Variants in EYA1 observed in about 807,000 individuals in gnomAD.
EYA1 encodes EYA transcriptional coactivator and phosphatase 1, also known as protein phosphatase EYA1.
A neutral mutation model predicts 82.0 loss-of-function variants in EYA1; 16 were observed. The ratio of observed to expected loss-of-function variants is 0.20; its 90% CI spans 0.13 to 0.30. EYA1 has a LOEUF of 0.30. Ranked by LOEUF, EYA1 falls within the 10% of genes least tolerant of loss-of-function variation. The pLI, the probability that EYA1 is intolerant of heterozygous loss-of-function variation, is 1.00. For synonymous variants in EYA1, 261 were observed against 264.4 expected (o/e 0.99, Z 0.12); for missense variants, 633 against 730.7 (o/e 0.87, Z 1.54).
intron 2 of EYA1, among the ~76,000 whole-genome samples, chr8:71,518,471 G>C (rs13258908): frequency 0.98 from 149,220 of 152,252 alleles, 73,146 homozygotes; most frequent in Middle Eastern, 1. Flanking sequence ...GCTATTTTCT[G>C]TCTGTCATGT....
upstream of EYA1, among the ~76,000 whole-genome samples, chr8:71,366,595 C>G (rs1038617323): frequency 2.0e-5 from 3 of 152,134 alleles, no homozygotes; most frequent in African/African-American, 7.2e-5. Context: ...CAGCTGAGTT[C>G]ACAGTTTTTA....
chr8:71,200,235 G>T (rs908217390), intron 17 of EYA1: 4 of 152,132 alleles, frequency 2.6e-5, no homozygotes, highest in African/African-American at 9.7e-5. Context: ...TTATAGAATA[G>T]GATTCTTAAG....
At chr8:71,432,997 T>C (rs1421555082) in intron 2 of EYA1, among the ~76,000 whole-genome samples, 1 of 152,164 alleles carries the variant, frequency 6.6e-6, no homozygotes, top group Non-Finnish European at 1.5e-5. Context: ...AAACTAGAAG[T>C]GCATACCTTC....
At chr8:71,532,954 T>G (rs1814408692) in intron 2 of EYA1, among the ~76,000 whole-genome samples, 1 of 152,192 alleles carries the variant, frequency 6.6e-6, no homozygotes, top group Non-Finnish European at 1.5e-5. Flanking sequence ...TAAAAAAGAA[T>G]AACCTACGGA....
intron 12 of EYA1, among the ~76,000 whole-genome samples, chr8:71,220,155 C>T (rs1585837383): frequency 6.6e-6 from 1 of 152,098 alleles, no homozygotes; most frequent in African/African-American, 2.4e-5. Flanking sequence ...TTCCTAAAAA[C>T]CCTAATTTGG....
At chr8:71,492,387 AG>A (rs1458914629) in intron 2 of EYA1, among the ~76,000 whole-genome samples, 1 of 152,194 alleles carries the variant, frequency 6.6e-6, no homozygotes, top group African/African-American at 2.4e-5. Context: ...AGATGGTAGC[AG>A]GAGAAGGTAA....
chr8:71,445,968 G>A lies in EYA1; in HGVS notation c.34-89457C>T, dbSNP rs572402296. 2.6e-5 allele frequency among the ~76,000 whole-genome samples: 4 copies of A among 152,210 alleles called. No homozygotes were observed. In the South Asian group the frequency reaches 6.2e-4, roughly 24 times the overall value. ...CTTCTTCTCTAGAATAATAAACTAGGAGACTACAGTTGATTGAAACAAATA... is the reference window on the plus strand; with the variant it reads ...CTTCTTCTCTAGAATAATAAACTAGAAGACTACAGTTGATTGAAACAAATA... On this transcript the variant is annotated intron_variant, in intron 2 of 18. Coordinates refer to the EYA1 transcript ENST00000643681.
chr8:71,256,287 T>C (rs1010500135), intron 11 of EYA1, among the ~76,000 whole-genome samples: 1 of 152,100 alleles, frequency 6.6e-6, no homozygotes, highest in Non-Finnish European at 1.5e-5. Flanking sequence ...AAAACAGTCA[T>C]AGGTGGAAGC....
chr8:71,301,188 G>C (rs1255525537), intron 7 of EYA1, among the ~76,000 whole-genome samples: 1 of 152,122 alleles, frequency 6.6e-6, no homozygotes, highest in African/African-American at 2.4e-5. Flanking sequence ...ACTTGCTACT[G>C]AACATTTAAG....
chr8:71,356,118 T>C (rs564896457), intron 2 of EYA1, among the ~76,000 whole-genome samples: 7 of 152,156 alleles, frequency 4.6e-5, no homozygotes, highest in Non-Finnish European at 8.8e-5. Context: ...TAAAACAGCT[T>C]AACATGAACC....
At chr8:71,492,394 G>C (rs1297747304) in intron 2 of EYA1, among the ~76,000 whole-genome samples, 1 of 152,060 alleles carries the variant, frequency 6.6e-6, no homozygotes, top group Non-Finnish European at 1.5e-5. Flanking sequence ...AGCAGGAGAA[G>C]GTAAGAATTG....
intron 2 of EYA1, among the ~76,000 whole-genome samples, chr8:71,459,653 T>C (rs1178491355): frequency 6.6e-6 from 1 of 152,160 alleles, no homozygotes; most frequent in East Asian, 1.9e-4. Flanking sequence ...TTCTCCTTTT[T>C]TATTGTTTTC....
chr8:71,296,970 A>G (rs963706747), intron 9 of EYA1, among the ~76,000 whole-genome samples: 1 of 152,150 alleles, frequency 6.6e-6, no homozygotes, highest in Non-Finnish European at 1.5e-5. Context: ...TTCAATGTGG[A>G]AACTCAGTGA....
chr8:71,212,770 A>G (rs1170320105), intron 16 of EYA1, among the ~76,000 whole-genome samples: 4 of 152,206 alleles, frequency 2.6e-5, no homozygotes, highest in Non-Finnish European at 5.9e-5. Flanking sequence ...CTATGACTTT[A>G]GCATTTTGCC....
intron 2 of EYA1, among the ~76,000 whole-genome samples, chr8:71,373,622 A>G (rs1294881520): frequency 6.6e-6 from 1 of 152,146 alleles, no homozygotes; most frequent in Non-Finnish European, 1.5e-5. Context: ...TTTTCTCCAG[A>G]AATAGTAAAA....
intron 4 of EYA1, among the ~76,000 whole-genome samples, chr8:71,324,589 A>C (rs73292172): frequency 7.9e-5 from 12 of 152,166 alleles, no homozygotes; most frequent in African/African-American, 2.9e-4. Context: ...CTGCATCACC[A>C]TCTGTCCCAC....
In EYA1 at chr8:71,215,272, AT is replaced by A. The variant is rs367683185; in HGVS notation, c.1597+114del. The stretch of plus-strand genomic sequence containing the variant: ...TGCAAATTGGTTAAATTATTCTTGT[AT>A]TTTTTTTTTGACCTATGTAGCATTC... On this transcript the variant is annotated intron_variant, in intron 16 of 17. Coordinates refer to ENST00000340726, the MANE Select transcript of EYA1 (RefSeq NM_000503.6). 0.019 allele frequency: 15,065 copies of A among 814,112 alleles called. 17 individuals carry two copies. The highest frequency in any genetic ancestry group is 0.029 in the African/African-American group (1,648 of 56,270). 50.4% of individuals were successfully genotyped at this position (814,112 alleles called of 1,614,324 possible). A position where few individuals can be genotyped will look rare whatever the true frequency, so the allele number is the denominator to read the frequency against.
chr8:71,308,884 A>T lies in EYA1; in HGVS notation c.556+8668T>A, dbSNP rs182836617. Among the ~76,000 whole-genome samples, 355 of 152,280 alleles carry T rather than the reference A, an allele frequency of 2.3e-3. 3 individuals are homozygous for T. Among genetic ancestry groups the T allele is most frequent in the African/African-American group, 8.2e-3 (342 of 41,552 alleles). ...ATTTTCTAGCACTTACTGGGCAAGC[A>T]GGATGCTGTTTGTCCCTCGTGTATT... On this transcript the variant is annotated intron_variant, in intron 7 of 17. Transcript: ENST00000340726.
chr8:71,363,507 C>T (rs1827564547), upstream of EYA1, among the ~76,000 whole-genome samples: 1 of 152,150 alleles, frequency 6.6e-6, no homozygotes, highest in African/African-American at 2.4e-5. Context: ...GGCTAGTCAT[C>T]TACCATATTT....
Sources: allele counts gnomAD v4.1 joint callset (sites outside exome capture counted in the v4.1 genomes callset), GRCh38; gene constraint gnomAD v4.1.1; transcripts MANE v1.5; gene names NCBI Gene and HGNC (gene_info 2026-07-23, HGNC 2026-07-21).